Variants in TRPM3 observed in about 807,000 individuals in gnomAD.
TRPM3 encodes the protein long transient receptor potential channel 3.
In TRPM3, 77 loss-of-function variants were observed where a neutral mutation model predicts 181.2. The ratio of observed to expected loss-of-function variants is 0.42; its 90% CI spans 0.35 to 0.51. The LOEUF (loss-of-function observed/expected upper bound fraction) is 0.51, where lower values mean the gene tolerates loss of function less well. Among genes scored for constraint, TRPM3 ranks in the 20% least tolerant of loss-of-function variants. The pLI, the probability that TRPM3 is intolerant of heterozygous loss-of-function variation, is 0.01. For synonymous variants in TRPM3, 745 were observed against 796.4 expected (o/e 0.94, Z 1.09); for missense variants, 1,759 against 2,196.7 (o/e 0.80, Z 3.98).
At chr9:70,937,428 C>A (rs1376695864) in intron 1 of TRPM3, among the ~76,000 whole-genome samples, 1 of 152,148 alleles carries the variant, frequency 6.6e-6, no homozygotes, top group Non-Finnish European at 1.5e-5. Context: ...CATTGGAAAG[C>A]AGTAACTCTA....
intron 1 of TRPM3, among the ~76,000 whole-genome samples, chr9:71,316,568 C>G (rs886341115): frequency 6.6e-6 from 1 of 151,970 alleles, no homozygotes; most frequent in Non-Finnish European, 1.5e-5. Context: ...TGAGAGAGGT[C>G]ACCAAGAGAC....
intron 8 of TRPM3, among the ~76,000 whole-genome samples, chr9:70,751,045 G>A (rs898721887): frequency 5.9e-5 from 9 of 151,602 alleles, no homozygotes; most frequent in African/African-American, 2.2e-4. Flanking sequence ...CTATCTTACT[G>A]AATAAATGAA....
At position 71,173,448 on chromosome 9, in the gene TRPM3, T is replaced by C. The variant is rs369532009; in HGVS notation, c.183+273205A>G. ...AAGCAAGTGGTAAATTGTAAACATA[T>C]GTGGAAAGGCAGTATATTTACCATA... On this transcript the variant is annotated intron_variant, in intron 1 of 24. Coordinates refer to the TRPM3 transcript ENST00000357533. 9.5e-4 allele frequency among the ~76,000 whole-genome samples: 144 copies of C among 152,296 alleles called. 1 individual carries two copies. The highest frequency in any genetic ancestry group is 3.2e-3 in the African/African-American group (134 of 41,558).
At position 70,620,212 on chromosome 9, in the gene TRPM3, G is replaced by C. The variant is rs751362399; in HGVS notation, c.1993C>G (p.Leu665Val). ...TCCTCACCGTGCTGCCAGAAGAACA[G>C]GGCCATCTTCTGCCGCTTCATGAGA... ...AVLMKRQKMA[L>V]FFWQHGEEAM... is the part of the protein sequence containing the mutation. The change falls in exon 16 of 26, where the codon CTG becomes GTG. Residue 665 changes from leucine to valine, a missense_variant. By Grantham distance (32) the Leu-to-Val change is conservative. Transcript: ENST00000677713. 6.2e-7 allele frequency: 1 copy of C among 1,614,246 alleles called. No individual in the cohort carries two copies. Among genetic ancestry groups the C allele is most frequent in the South Asian group, 1.1e-5 (1 of 91,090 alleles).
chr9:71,247,839 G>A (rs868797876), intron 1 of TRPM3, among the ~76,000 whole-genome samples: 24 of 152,080 alleles, frequency 1.6e-4, no homozygotes, highest in African/African-American at 5.6e-4. Context: ...ATGAAATAGG[G>A]TTTAAAACAA....
intron 1 of TRPM3, among the ~76,000 whole-genome samples, chr9:71,412,509 A>G (rs540947749): frequency 6.1e-4 from 93 of 152,356 alleles, no homozygotes; most frequent in African/African-American, 2.2e-3. Context: ...AATGCTCATC[A>G]TCACTGGCCA....
chr9:71,097,762 A>G (rs189228434), intron 1 of TRPM3, among the ~76,000 whole-genome samples: 188 of 152,282 alleles, frequency 1.2e-3, no homozygotes, highest in African/African-American at 4.2e-3. Context: ...AAAATCACCA[A>G]TCAGTGGTTT....
intron 1 of TRPM3, among the ~76,000 whole-genome samples, chr9:71,109,570 C>G (rs903665850): frequency 6.6e-6 from 1 of 152,146 alleles, no homozygotes; most frequent in African/African-American, 2.4e-5. Context: ...ATGAAAGACA[C>G]TAAGACTCAG....
At chr9:70,904,545 A>G (rs1277515301) in intron 1 of TRPM3, among the ~76,000 whole-genome samples, 1 of 152,172 alleles carries the variant, frequency 6.6e-6, no homozygotes, top group Non-Finnish European at 1.5e-5. Context: ...ATAAGTAGGG[A>G]GTAACCAGAA....
rs865853452 is a variant in TRPM3 at position 70,626,117 on chromosome 9, A to G, written c.1633-600T>C. Among the ~76,000 whole-genome samples, 25 of 152,224 alleles carry G rather than the reference A, an allele frequency of 1.6e-4. 1 individual carries two copies. In the Middle Eastern group the frequency reaches 0.014, roughly 83 times the overall value. ...GATCTAGAGTTATGGTGTCTTTTTT[A>G]GCTGTTTGCCATCTATACATGCAAA... On this transcript the variant is annotated intron_variant, in intron 12 of 25. Coordinates refer to ENST00000677713, the MANE Select transcript of TRPM3 (RefSeq NM_001366145.2).
intron 1 of TRPM3, among the ~76,000 whole-genome samples, chr9:70,874,438 T>A (rs767051502): frequency 6.6e-6 from 1 of 152,000 alleles, no homozygotes; most frequent in Non-Finnish European, 1.5e-5. Flanking sequence ...GCCAAAGTTA[T>A]ACGTCAGCCA....
At chr9:71,347,690 G>A (rs2091374881) in intron 1 of TRPM3, among the ~76,000 whole-genome samples, 1 of 152,036 alleles carries the variant, frequency 6.6e-6, no homozygotes, top group South Asian at 2.1e-4. Flanking sequence ...CTGATGGATC[G>A]CTTGAGGCCA....
chr9:71,030,843 A>G (rs1357997092), intron 1 of TRPM3, among the ~76,000 whole-genome samples: 2 of 152,186 alleles, frequency 1.3e-5, no homozygotes, highest in Admixed American at 6.5e-5. Context: ...TATTTCTCCC[A>G]GAGCTTTTCA....
chr9:70,793,150 C>G (rs2131039777), intron 6 of TRPM3, among the ~76,000 whole-genome samples: 1 of 152,120 alleles, frequency 6.6e-6, no homozygotes, highest in East Asian at 1.9e-4. Flanking sequence ...GTTTCTGCCT[C>G]CTTATAAAGA....
rs1320308156 is a variant in TRPM3 at position 70,625,905 on chromosome 9, A to G, written c.1633-388T>C. Among the ~76,000 whole-genome samples the G allele has an allele frequency of 1.3e-5, 2 of 152,204 alleles. No homozygotes were observed. Among genetic ancestry groups the G allele is most frequent in the Non-Finnish European group, 2.9e-5 (2 of 68,036 alleles). On this transcript the variant is annotated intron_variant, in intron 12 of 25. Coordinates refer to ENST00000677713, the MANE Select transcript of TRPM3 (RefSeq NM_001366145.2). This position sits in a 1 kb window ranked among gnomAD's most constrained non-coding sequence, Gnocchi z 4.8. Reference sequence around the variant, plus strand: ...ATTTTAAAAAATTGACACTTTTTTCATAAAAGAAGAGCAATATTTAGGGAG... The same window carrying G: ...ATTTTAAAAAATTGACACTTTTTTCGTAAAAGAAGAGCAATATTTAGGGAG...
At chr9:70,620,435 T>C in intron 15 of TRPM3, 70 bp from the exon 16 acceptor site, 3 of 1,494,460 alleles carry the variant, frequency 2.0e-6, no homozygotes, top group South Asian at 2.5e-5. Flanking sequence ...GTAGCAGTTG[T>C]ATATCTTCTC....
In TRPM3 at chr9:70,676,372, G is replaced by T. The variant is rs77517327; in HGVS notation, c.1345+5134C>A. On this transcript the variant is annotated intron_variant, in intron 9 of 25. Coordinates refer to ENST00000677713, the MANE Select transcript of TRPM3 (RefSeq NM_001366145.2). ...AATGGTGGGGGTAATTTTATTCACAGAAAGGGTCCAGAGACCACTTACAAT... is the reference window on the plus strand; with the variant it reads ...AATGGTGGGGGTAATTTTATTCACATAAAGGGTCCAGAGACCACTTACAAT... 7.9e-3 allele frequency among the ~76,000 whole-genome samples: 1,205 copies of T among 152,312 alleles called. 47 individuals are homozygous for T. The highest frequency in any genetic ancestry group is 0.055 in the East Asian group (283 of 5,174).
chr9:71,046,039 C>T lies in TRPM3; in HGVS notation c.177+75139G>A, dbSNP rs552980006. Among the ~76,000 whole-genome samples the T allele has an allele frequency of 2.0e-5, 3 of 151,136 alleles. No individual in the cohort carries two copies. In the South Asian group the frequency reaches 6.3e-4, roughly 32 times the overall value. The stretch of plus-strand genomic sequence containing the variant: ...TCACTCTGTCACCCAGGCTGGAGTG[C>T]AGTGGCGCAATCTTGGCTCACGATC... On this transcript the variant is annotated intron_variant, in intron 1 of 25. Coordinates refer to ENST00000677713, the MANE Select transcript of TRPM3 (RefSeq NM_001366145.2).
intron 1 of TRPM3, among the ~76,000 whole-genome samples, chr9:70,968,382 GT>G (rs2097206403): frequency 6.6e-6 from 1 of 152,160 alleles, no homozygotes; most frequent in Admixed American, 6.5e-5. Flanking sequence ...AATGGTGATT[GT>G]TATACACTCA....
Sources: gnomAD v4.1 joint callset for allele counts (sites outside exome capture counted in the v4.1 genomes callset) on GRCh38, gnomAD v4.1.1 for gene constraint, Gnocchi (gnomAD v3.1) non-coding constraint, MANE v1.5 for transcripts, NCBI Gene and HGNC (gene_info 2026-07-23, HGNC 2026-07-21) for gene names.